The following CCDC83 variants were observed in gnomAD, a reference collection of about 807,000 sequenced individuals.
The protein encoded by CCDC83 is coiled-coil domain-containing protein 83.
Under a neutral mutation model 50.1 loss-of-function variants are expected in CCDC83, and 54 were observed. That is an observed-to-expected ratio of 1.08 (90% confidence interval 0.87 to 1.35). The LOEUF (loss-of-function observed/expected upper bound fraction) is 1.35. Among genes scored for constraint, CCDC83 ranks in the 40% most tolerant of loss-of-function variants. The probability of loss-of-function intolerance (pLI) is 0.00; values close to 1 mark genes in which losing one functional copy is unlikely to be tolerated. For missense variants in CCDC83, 518 were observed against 473.9 expected (o/e 1.09, Z -0.86); for synonymous variants, 161 against 153.3 (o/e 1.05, Z -0.37).
rs114596343 is a variant in CCDC83, at chr11:85,857,037, G to C, written c.-29+1453G>C. On this transcript the variant is annotated intron_variant, in intron 1 of 10. Transcript: ENST00000342404. ...GCCATACCCCCAGTGCCTGTCCCCAGATCGAGGCTTGGGCCCCTTCAGCCA... is the reference window on the plus strand; with the variant it reads ...GCCATACCCCCAGTGCCTGTCCCCACATCGAGGCTTGGGCCCCTTCAGCCA... 6.3e-3 allele frequency among the ~76,000 whole-genome samples: 953 copies of C among 152,286 alleles called. 10 individuals are homozygous for C. Among genetic ancestry groups the C allele is most frequent in the African/African-American group, 0.021 (887 of 41,540 alleles).
At chr11:85,869,831 T>C (rs2093227474) in intron 2 of CCDC83, among the ~76,000 whole-genome samples, 1 of 152,240 alleles carries the variant, frequency 6.6e-6, no homozygotes, top group Non-Finnish European at 1.5e-5. Context: ...CTTCATCTGC[T>C]TCCTGGTAAA....
chr11:85,859,167 A>AG (rs2093160429), intron 1 of CCDC83, among the ~76,000 whole-genome samples: 1 of 148,200 alleles, frequency 6.7e-6, no homozygotes, highest in Non-Finnish European at 1.5e-5. Flanking sequence ...TTAAAAAAAA[A>AG]AAAAAAAAAA....
intron 10 of CCDC83, among the ~76,000 whole-genome samples, chr11:85,917,133 A>AG (rs1491380695): frequency 1.9e-4 from 14 of 73,390 alleles, no homozygotes; most frequent in Admixed American, 3.1e-4. Context: ...AAAGAAAAAG[A>AG]AAGAGAGAGA....
intron 1 of CCDC83, among the ~76,000 whole-genome samples, chr11:85,860,301 CAAAAAAA>C (rs56657675): frequency 1.8e-5 from 1 of 55,944 alleles, no homozygotes; most frequent in Non-Finnish European, 3.7e-5. Flanking sequence ...GACTCCGTCT[CAAAAAAA>C]AAAAAAAAAA....
chr11:85,893,535 C>T lies in CCDC83; in HGVS notation c.512-1758C>T, dbSNP rs189019360. On this transcript the variant is annotated intron_variant, in intron 5 of 10. Transcript: ENST00000342404. ...CCTAAGTCAGGGGTTCCCCAACCCCCAAGGCCACAGGCCAAGATTAGTCTG... is the reference window on the plus strand; with the variant it reads ...CCTAAGTCAGGGGTTCCCCAACCCCTAAGGCCACAGGCCAAGATTAGTCTG... 1.3e-4 allele frequency among the ~76,000 whole-genome samples: 20 copies of T among 152,286 alleles called. No individual in the cohort carries two copies. The East Asian group carries it at 3.5e-3, about 26-fold the overall frequency.
Position 85,916,190 on chromosome 11 carries a change from C to T in CCDC83, c.1037C>T (p.Thr346Ile). 6.2e-7 allele frequency: 1 copy of T among 1,613,084 alleles called. No individual in the cohort carries two copies. The highest frequency in any genetic ancestry group is 8.5e-7 in the Non-Finnish European group (1 of 1,179,380). ...EENSGTEFGD[T>I]DMKYLLYEDE... ...AACTCAGGCACAGAGTTTGGGGACA[C>T]TGATATGAAGTACTTACTATATGAG... is the stretch of plus-strand genomic sequence containing the variant. Residue 346 changes from threonine (T) to isoleucine (I), a missense_variant, in exon 10 of 11, where the codon ACT (threonine) becomes ATT (isoleucine). Thr to Ile is a moderately conservative substitution (Grantham distance 89, BLOSUM62 -1). Transcript: ENST00000342404.
intron 1 of CCDC83, among the ~76,000 whole-genome samples, chr11:85,859,760 G>A (rs1287244347): frequency 1.3e-5 from 2 of 152,136 alleles, no homozygotes; most frequent in Middle Eastern, 3.2e-3. Flanking sequence ...CATTGGCCTT[G>A]GCAAAGAATT....
chr11:85,861,998 TAAAAAAAAA>T (rs34372795), intron 1 of CCDC83, among the ~76,000 whole-genome samples: 3 of 94,842 alleles, frequency 3.2e-5, no homozygotes, highest in African/African-American at 5.0e-5. Flanking sequence ...CCTGTCTCAT[TAAAAAAAAA>T]AAAAAAAAAA....
intron 5 of CCDC83, among the ~76,000 whole-genome samples, chr11:85,893,660 C>G (rs146550756): frequency 8.7e-4 from 132 of 152,252 alleles, no homozygotes; most frequent in Non-Finnish European, 1.4e-3. Context: ...CTTGCATTAC[C>G]GTCTGAGCTC....
intron 2 of CCDC83, among the ~76,000 whole-genome samples, chr11:85,872,075 C>T (rs1482785848): frequency 6.6e-6 from 1 of 152,166 alleles, no homozygotes; most frequent in Non-Finnish European, 1.5e-5. Context: ...GCCTCAGCCT[C>T]CCGAGTAGCT....
At chr11:85,898,814 G>A in intron 6 of CCDC83, 133 bp from the exon 7 acceptor site, 1 of 687,906 alleles carries the variant, frequency 1.5e-6, no homozygotes, top group South Asian at 1.6e-5. Flanking sequence ...CAAACCAAAA[G>A]TTCTTAAGTA....
chr11:85,869,911 A>G (rs2093227890), intron 2 of CCDC83, among the ~76,000 whole-genome samples: 1 of 152,210 alleles, frequency 6.6e-6, no homozygotes, highest in African/African-American at 2.4e-5. Context: ...AATTAGACCC[A>G]CAGCTACCAT....
intron 5 of CCDC83, among the ~76,000 whole-genome samples, chr11:85,888,301 G>A (rs2093336372): frequency 6.6e-6 from 1 of 152,144 alleles, no homozygotes; most frequent in African/African-American, 2.4e-5. Context: ...TCAGCAACAG[G>A]GGGTGGTATC....
chr11:85,903,694 C>G (rs1411532824), intron 7 of CCDC83, among the ~76,000 whole-genome samples: 1 of 152,220 alleles, frequency 6.6e-6, no homozygotes, highest in Non-Finnish European at 1.5e-5. Flanking sequence ...ACTTCTCCTT[C>G]TCTGCCATGG....
At chr11:85,894,615 GCTTA>G (rs776670510) in intron 5 of CCDC83, among the ~76,000 whole-genome samples, 1 of 152,082 alleles carries the variant, frequency 6.6e-6, no homozygotes, top group Non-Finnish European at 1.5e-5. Flanking sequence ...TTATTTACCT[GCTTA>G]CTTATTTATG....
chr11:85,890,396 TG>T (rs1290880842), intron 5 of CCDC83, among the ~76,000 whole-genome samples: 2 of 152,062 alleles, frequency 1.3e-5, no homozygotes, highest in Non-Finnish European at 2.9e-5. Flanking sequence ...ACTAGGGTGT[TG>T]GGGGCCGGTG....
intron 2 of CCDC83, 90 bp downstream of exon 2, chr11:85,865,308 G>A: frequency 2.5e-6 from 2 of 786,712 alleles, no homozygotes; most frequent in Non-Finnish European, 4.4e-6. Flanking sequence ...AACAATACAT[G>A]CAGCAGCTGC....
intron 7 of CCDC83, among the ~76,000 whole-genome samples, chr11:85,905,829 C>T (rs1033473011): frequency 6.6e-6 from 1 of 150,946 alleles, no homozygotes; most frequent in Non-Finnish European, 1.5e-5. Context: ...ATTAGCCAGG[C>T]ATGGTGGCGG....
chr11:85,907,975 A>G (rs1180562236), intron 7 of CCDC83, among the ~76,000 whole-genome samples: 1 of 152,074 alleles, frequency 6.6e-6, no homozygotes, highest in Non-Finnish European at 1.5e-5. Flanking sequence ...TCATCCTTTG[A>G]CATTTGAAAA....
Sources: allele counts gnomAD v4.1 joint callset (sites outside exome capture counted in the v4.1 genomes callset), GRCh38; gene constraint gnomAD v4.1.1; transcripts MANE v1.5; gene names NCBI Gene and HGNC (gene_info 2026-07-23, HGNC 2026-07-21).